The following STX1B variants were observed in gnomAD, a reference collection of about 807,000 sequenced individuals.
The protein encoded by STX1B is syntaxin 1B, also known as syntaxin-1B.
A neutral mutation model predicts 39.4 loss-of-function variants in STX1B; 7 were observed. The observed-to-expected ratio is 0.18, with a 90% confidence interval of 0.10 to 0.33. The LOEUF (loss-of-function observed/expected upper bound fraction) is 0.33. Among genes scored for constraint, STX1B ranks in the 10% least tolerant of loss-of-function variants. STX1B has a pLI of 1.00. For missense variants in STX1B, 198 were observed against 383.2 expected (o/e 0.52, Z 4.04); for synonymous variants, 136 against 144.1 (o/e 0.94, Z 0.40).
intron 4 of STX1B, among the ~76,000 whole-genome samples, chr16:31,000,307 CTTTT>C (rs1171231357): frequency 6.9e-6 from 1 of 144,514 alleles, no homozygotes; most frequent in African/African-American, 2.6e-5. Flanking sequence ...CGCCCAGTCC[CTTTT>C]TTTTTGTTTG....
Position 30,996,759 on chromosome 16 carries a change from G to A in STX1B, c.464-3C>T. ...TTCGTTGGTGGTGGTCCTTCCAGCT[G>A]CGGGAAGAAAGGACTCCCTGCTCGG... On this transcript the variant is annotated splice_polypyrimidine_tract_variant and splice_region_variant and intron_variant, in intron 6 of 9. Coordinates refer to ENST00000215095, the MANE Select transcript of STX1B (RefSeq NM_052874.5). The A allele has an allele frequency of 6.2e-7, 1 of 1,614,012 alleles. No homozygotes were observed. Among genetic ancestry groups the A allele is most frequent in the Non-Finnish European group, 8.5e-7 (1 of 1,179,872 alleles).
Position 31,001,284 on chromosome 16 carries a change from G to T in STX1B, c.106-91C>A. ...AGCCAGGGTTCAGGGGAATGGACCA[G>T]CCCCAGAACGGCTGATAAAAGGCCA... On this transcript the variant is annotated intron_variant, in intron 2 of 9. Coordinates refer to ENST00000215095, the MANE Select transcript of STX1B (RefSeq NM_052874.5). The surrounding 1 kb of genome is among the most constrained non-coding windows in gnomAD (Gnocchi z 5.5). 1 of 1,265,208 alleles carries T rather than the reference G, an allele frequency of 7.9e-7. No individual in the cohort carries two copies. Among genetic ancestry groups the T allele is most frequent in the Non-Finnish European group, 1.1e-6 (1 of 884,012 alleles). 78.4% of individuals were successfully genotyped at this position (1,265,208 alleles called of 1,614,324 possible). A position where few individuals can be genotyped will look rare whatever the true frequency, so the allele number is the denominator to read the frequency against.
At chr16:31,002,354 C>T (rs1056281274) in intron 1 of STX1B, among the ~76,000 whole-genome samples, 5 of 152,164 alleles carry the variant, frequency 3.3e-5, no homozygotes, top group Admixed American at 6.5e-5. Context: ...GAGATTTACC[C>T]ACCCACAGCA....
In STX1B at chr16:31,001,068, C is replaced by G. The variant is rs553142956; in HGVS notation, c.205+26G>C. ...ACCCCAGGCCCCTTCTCCTCCCACC[C>G]CACAGTCACCGGCAGCCACACTCAC... is the stretch of plus-strand genomic sequence containing the variant. On this transcript the variant is annotated intron_variant, in intron 3 of 9. Transcript: ENST00000215095. The surrounding 1 kb of genome is among the most constrained non-coding windows in gnomAD (Gnocchi z 5.5). 6.2e-7 allele frequency: 1 copy of G among 1,614,152 alleles called. No homozygotes were observed. Among genetic ancestry groups the G allele is most frequent in the Admixed American group, 1.7e-5 (1 of 60,022 alleles).
intron 4 of STX1B, among the ~76,000 whole-genome samples, chr16:30,998,269 C>T (rs1292449953): frequency 6.6e-6 from 1 of 152,262 alleles, no homozygotes; most frequent in Non-Finnish European, 1.5e-5. Context: ...AAATCTACCT[C>T]GGTGAGATCA....
chr16:30,992,915 A>T lies in STX1B; in HGVS notation c.787-14T>A. 6.2e-7 allele frequency: 1 copy of T among 1,611,194 alleles called. No homozygotes were observed. The highest frequency in any genetic ancestry group is 8.5e-7 in the Non-Finnish European group (1 of 1,177,446). On this transcript the variant is annotated splice_polypyrimidine_tract_variant and intron_variant, in intron 9 of 9. Coordinates refer to ENST00000215095, the MANE Select transcript of STX1B (RefSeq NM_052874.5). ...CATGATTTTCTTCTGCAGCAGAAAG[A>T]GGAGTGAGACAGGCAGACAGTGAGA...
chr16:31,010,278 C>T, intron 1 of STX1B, 89 bp downstream of exon 1: 1 of 1,094,396 alleles, frequency 9.1e-7, no homozygotes, highest in Non-Finnish European at 1.2e-6. Context: ...TCCTTCGCCC[C>T]CACGTCCCAG....
Position 30,996,665 on chromosome 16 carries a change from G to T in STX1B, c.537+18C>A. The T allele has an allele frequency of 6.2e-7, 1 of 1,611,758 alleles. No individual in the cohort carries two copies. Among genetic ancestry groups the T allele is most frequent in the Non-Finnish European group, 8.5e-7 (1 of 1,178,406 alleles). Reference sequence around the variant, plus strand: ...CAAAAATTTTCCAAAAGCAGAGCCCGCCCCACCCGCGGCTCACGTCATCTG... The same window carrying T: ...CAAAAATTTTCCAAAAGCAGAGCCCTCCCCACCCGCGGCTCACGTCATCTG... On this transcript the variant is annotated intron_variant, in intron 7 of 9. Coordinates refer to ENST00000215095, the MANE Select transcript of STX1B (RefSeq NM_052874.5).
At chr16:30,999,861 C>T (rs1484660921) in intron 4 of STX1B, among the ~76,000 whole-genome samples, 1 of 152,186 alleles carries the variant, frequency 6.6e-6, no homozygotes, top group Non-Finnish European at 1.5e-5. Flanking sequence ...CATTTCCTAT[C>T]ATATATCTTT....
rs2056544563 is a variant in STX1B, at chr16:30,990,219, TG to T, written c.*2601del. The T allele has an allele frequency of 1.3e-5, 2 of 152,218 alleles. No homozygotes were observed. Among genetic ancestry groups the T allele is most frequent in the South Asian group, 2.1e-4 (1 of 4,826 alleles). 9.4% of individuals were successfully genotyped at this position (152,218 alleles called of 1,614,324 possible). A position where few individuals can be genotyped will look rare whatever the true frequency, so the allele number is the denominator to read the frequency against. On this transcript the variant is annotated 3_prime_UTR_variant, in exon 10 of 10. Coordinates refer to ENST00000215095, the MANE Select transcript of STX1B (RefSeq NM_052874.5). ...GACTTCCGGAAACACCTGGGCTGAATGGGGGTCCTGTCCAGGCGGCCGGAAG... is the reference window on the plus strand; with the variant it reads ...GACTTCCGGAAACACCTGGGCTGAATGGGGTCCTGTCCAGGCGGCCGGAAG...
rs753056163 is a variant in STX1B, at chr16:30,996,934, G to A, written c.463+17C>T. 17 of 1,606,408 alleles carry A rather than the reference G, an allele frequency of 1.1e-5. No individual in the cohort carries two copies. The highest frequency in any genetic ancestry group is 1.4e-5 in the Non-Finnish European group (17 of 1,175,156). ...GCCTCAAGGAGTTCGGGGTCCTGGGGTGGGGGGCACACGCACTGATCTCCA... is the reference window on the plus strand; with the variant it reads ...GCCTCAAGGAGTTCGGGGTCCTGGGATGGGGGGCACACGCACTGATCTCCA... On this transcript the variant is annotated intron_variant, in intron 6 of 9. Transcript: ENST00000215095.
chr16:31,000,143 G>A (rs974183319), intron 4 of STX1B, among the ~76,000 whole-genome samples: 4 of 150,720 alleles, frequency 2.7e-5, no homozygotes, highest in Non-Finnish European at 4.4e-5. Context: ...GATTACAGGC[G>A]CCTGCCACCA....
intron 4 of STX1B, among the ~76,000 whole-genome samples, chr16:30,999,285 G>A (rs950127731): frequency 2.0e-5 from 3 of 152,142 alleles, no homozygotes; most frequent in African/African-American, 7.2e-5. Context: ...CTCACATATG[G>A]CCTCCCCTCC....
chr16:31,001,403 C>T lies in STX1B; in HGVS notation c.105+126G>A, dbSNP rs1267279452. The T allele has an allele frequency of 4.7e-6, 4 of 844,800 alleles. No homozygotes were observed. The highest frequency in any genetic ancestry group is 7.3e-6 in the Non-Finnish European group (4 of 548,676). 52.3% of individuals were successfully genotyped at this position (844,800 alleles called of 1,614,324 possible). On this transcript the variant is annotated intron_variant, in intron 2 of 9. Coordinates refer to ENST00000215095, the MANE Select transcript of STX1B (RefSeq NM_052874.5). The surrounding 1 kb of genome is among the most constrained non-coding windows in gnomAD (Gnocchi z 5.5). ...CCGGGGCTGCGGCTGGGCGGTGGGACTAGGGGCTGGGGCTGGGTGCTGGGG... is the reference window on the plus strand; with the variant it reads ...CCGGGGCTGCGGCTGGGCGGTGGGATTAGGGGCTGGGGCTGGGTGCTGGGG...
Position 31,001,242 on chromosome 16 carries a change from C to G in STX1B, c.106-49G>C. The stretch of plus-strand genomic sequence containing the variant: ...CCAGCCAAGCTGTCAGGCCAAACAA[C>G]GGGTTCCAGGGGAACCAGCCAGGGT... On this transcript the variant is annotated intron_variant, in intron 2 of 9. Transcript: ENST00000215095. This position sits in a 1 kb window ranked among gnomAD's most constrained non-coding sequence, Gnocchi z 5.5. 1.3e-6 allele frequency: 2 copies of G among 1,582,764 alleles called. No homozygotes were observed. Among genetic ancestry groups the G allele is most frequent in the Non-Finnish European group, 1.7e-6 (2 of 1,157,468 alleles).
At chr16:30,997,603 C>T in intron 4 of STX1B, 28 bp from the exon 5 acceptor site, 1 of 1,583,746 alleles carries the variant, frequency 6.3e-7, no homozygotes, top group Non-Finnish European at 8.6e-7. Context: ...CAGCGATGGG[C>T]GGGAGACCCG....
intron 4 of STX1B, 35 bp downstream of exon 4, chr16:31,000,893 C>A: frequency 1.2e-6 from 2 of 1,612,538 alleles, no homozygotes; most frequent in Non-Finnish European, 8.5e-7. Context: ...ACCCACAATT[C>A]TTTTCCTTCC....
Position 30,992,832 on chromosome 16 carries a change from G to C in STX1B, c.856C>G (p.Leu286Val). ...AGGGTGGGGGGGGCCTACAAGCCCA[G>C]CGTCCCCCCAATGGATGACGCCAAG... ...VVLASSIGGT[L>V]GL Residue 286 changes from leucine to valine, a missense_variant, in exon 10 of 10, where the codon CTG becomes GTG. Transcript: ENST00000215095. 6.2e-7 allele frequency: 1 copy of C among 1,612,090 alleles called. No individual in the cohort carries two copies. Among genetic ancestry groups the C allele is most frequent in the Non-Finnish European group, 8.5e-7 (1 of 1,178,448 alleles).
At chr16:31,007,047 G>A (rs1015279609) in intron 1 of STX1B, among the ~76,000 whole-genome samples, 2 of 152,156 alleles carry the variant, frequency 1.3e-5, no homozygotes, top group Non-Finnish European at 2.9e-5. Context: ...GGAGGTCAAG[G>A]CTGCAGTGAG....
Sources: gnomAD v4.1 joint callset for allele counts (sites outside exome capture counted in the v4.1 genomes callset) on GRCh38, gnomAD v4.1.1 for gene constraint, Gnocchi (gnomAD v3.1) non-coding constraint, MANE v1.5 for transcripts, NCBI Gene and HGNC (gene_info 2026-07-23, HGNC 2026-07-21) for gene names.